Variants in PDE11A observed in about 807,000 individuals in gnomAD.
PDE11A encodes the protein dual 3',5'-cyclic-AMP and -GMP phosphodiesterase 11A.
In PDE11A, 100 loss-of-function variants were observed where a neutral mutation model predicts 100.5. The observed-to-expected ratio is 1.00, with a 90% CI of 0.85 to 1.18. The LOEUF (loss-of-function observed/expected upper bound fraction) is 1.18. PDE11A is among the 50% of genes most tolerant of loss of function. The pLI is 0.00. For synonymous variants in PDE11A, 381 were observed against 420.8 expected, an observed-to-expected ratio of 0.91 and a Z score of 1.16; for missense variants, 1,141 against 1,152.6, an observed-to-expected ratio of 0.99 and a Z score of 0.15.
intron 9 of PDE11A, among the ~76,000 whole-genome samples, chr2:177,798,400 A>G (rs759360234): frequency 3.9e-5 from 6 of 152,226 alleles, no homozygotes; most frequent in Non-Finnish European, 8.8e-5. Context: ...AGTCTACTCT[A>G]TGCTGTTTTG....
At chr2:178,009,875 C>T (rs1453776151) in intron 2 of PDE11A, among the ~76,000 whole-genome samples, 1 of 152,090 alleles carries the variant, frequency 6.6e-6, no homozygotes, top group Admixed American at 6.6e-5. Context: ...AACTTATAGT[C>T]TCTAGATGTT....
At chr2:177,763,845 G>C (rs1016424156) in intron 10 of PDE11A, among the ~76,000 whole-genome samples, 2 of 152,162 alleles carry the variant, frequency 1.3e-5, no homozygotes, top group Non-Finnish European at 2.9e-5. Flanking sequence ...GTGGCAATTG[G>C]AGAAAGGAGC....
At chr2:177,920,045 A>C (rs1191645424) in intron 2 of PDE11A, among the ~76,000 whole-genome samples, 1 of 152,106 alleles carries the variant, frequency 6.6e-6, no homozygotes, top group African/African-American at 2.4e-5. Flanking sequence ...AAAAGCCTAA[A>C]AATTAGAAAA....
In PDE11A at chr2:177,722,899, G is replaced by C. The variant is rs191747242; in HGVS notation, c.2043+4759C>G. ...GAAATACAATGTAAAAATGATGTTT[G>C]ATGATTACAAATATGATTACTGTTT... On this transcript the variant is annotated intron_variant, in intron 12 of 19. Coordinates refer to ENST00000286063, the MANE Select transcript of PDE11A (RefSeq NM_016953.4). 5.9e-5 allele frequency among the ~76,000 whole-genome samples: 9 copies of C among 152,176 alleles called. No homozygotes were observed. The East Asian group carries it at 1.5e-3, about 26-fold the overall frequency.
At chr2:178,052,873 G>C (rs1280131791) in intron 1 of PDE11A, among the ~76,000 whole-genome samples, 1 of 151,868 alleles carries the variant, frequency 6.6e-6, no homozygotes, top group Non-Finnish European at 1.5e-5. Flanking sequence ...CAATAATTAA[G>C]AGCCTACCAA....
chr2:177,721,604 A>G (rs2081529393), intron 12 of PDE11A, among the ~76,000 whole-genome samples: 1 of 152,090 alleles, frequency 6.6e-6, no homozygotes, highest in Non-Finnish European at 1.5e-5. Flanking sequence ...TTCAACCCTA[A>G]CAATATTTGT....
chr2:177,640,162 A>G (rs2080119234), intron 19 of PDE11A, among the ~76,000 whole-genome samples: 1 of 152,208 alleles, frequency 6.6e-6, no homozygotes, highest in Non-Finnish European at 1.5e-5. Flanking sequence ...ACAATATACC[A>G]TAGAGGAGAA....
chr2:178,016,629 A>C (rs2086341432), intron 1 of PDE11A, among the ~76,000 whole-genome samples: 1 of 152,144 alleles, frequency 6.6e-6, no homozygotes, highest in Non-Finnish European at 1.5e-5. Context: ...AATATGAAGG[A>C]CTTATTTTTA....
At chr2:177,932,318 T>C (rs1271073912) in intron 2 of PDE11A, among the ~76,000 whole-genome samples, 2 of 152,112 alleles carry the variant, frequency 1.3e-5, no homozygotes, top group Non-Finnish European at 2.9e-5. Flanking sequence ...GAAGCCAGCA[T>C]CACCCTGATA....
intron 19 of PDE11A, among the ~76,000 whole-genome samples, chr2:177,654,613 C>T (rs1309630278): frequency 1.3e-5 from 2 of 152,160 alleles, no homozygotes; most frequent in Admixed American, 6.5e-5. Context: ...AGAATACACT[C>T]ATGTACCCTG....
intron 2 of PDE11A, among the ~76,000 whole-genome samples, chr2:178,000,030 G>C (rs1489577242): frequency 2.6e-5 from 4 of 152,096 alleles, no homozygotes; most frequent in Admixed American, 2.6e-4. Flanking sequence ...TTTCTAAATA[G>C]AGTATGCAGA....
intron 15 of PDE11A, among the ~76,000 whole-genome samples, chr2:177,685,224 G>A (rs1431531721): frequency 6.6e-6 from 1 of 152,082 alleles, no homozygotes; most frequent in Non-Finnish European, 1.5e-5. Flanking sequence ...TTAAACACTG[G>A]TTTCACCTAG....
chr2:177,964,880 T>C (rs556062126), intron 2 of PDE11A, among the ~76,000 whole-genome samples: 1 of 152,354 alleles, frequency 6.6e-6, no homozygotes, highest in Admixed American at 6.5e-5. Context: ...CCTTTGGGTA[T>C]ATACCCAGTA....
intron 5 of PDE11A, among the ~76,000 whole-genome samples, chr2:177,865,602 A>C (rs1022795325): frequency 6.6e-6 from 1 of 152,208 alleles, no homozygotes; most frequent in Non-Finnish European, 1.5e-5. Flanking sequence ...AAAAAGTAGA[A>C]ACAACATCAT....
intron 5 of PDE11A, among the ~76,000 whole-genome samples, chr2:177,853,716 G>GTGTT (rs2083770713): frequency 1.0e-5 from 1 of 98,098 alleles, no homozygotes; most frequent in African/African-American, 3.8e-5. Context: ...GTGTGTGTTT[G>GTGTT]TGTGTGTGTG....
At chr2:177,972,053 A>G (rs1450506798) in intron 2 of PDE11A, among the ~76,000 whole-genome samples, 2 of 152,228 alleles carry the variant, frequency 1.3e-5, no homozygotes, top group Non-Finnish European at 2.9e-5. Flanking sequence ...TGATACCAGC[A>G]GTAGGATACA....
intron 6 of PDE11A, among the ~76,000 whole-genome samples, chr2:177,835,106 G>A (rs1327661051): frequency 6.6e-6 from 1 of 152,150 alleles, no homozygotes; most frequent in Non-Finnish European, 1.5e-5. Context: ...GTTAACGTGA[G>A]TGGAAGCTGC....
At chr2:178,058,080 A>G (rs2086921477) in intron 1 of PDE11A, among the ~76,000 whole-genome samples, 1 of 151,776 alleles carries the variant, frequency 6.6e-6, no homozygotes, top group South Asian at 2.1e-4. Context: ...CTGGTCTTGA[A>G]CTCCTGAACT....
intron 12 of PDE11A, among the ~76,000 whole-genome samples, chr2:177,713,743 C>CAAAA (rs2081390977): frequency 6.6e-6 from 1 of 151,912 alleles, no homozygotes; most frequent in African/African-American, 2.4e-5. Flanking sequence ...AACAAACAAA[C>CAAAA]AAAAAAGCTT....
Sources: gnomAD v4.1 joint callset for allele counts (sites outside exome capture counted in the v4.1 genomes callset) on GRCh38, gnomAD v4.1.1 for gene constraint, MANE v1.5 for transcripts, NCBI Gene and HGNC (gene_info 2026-07-23, HGNC 2026-07-21) for gene names.